Variants in SLC10A6 observed in about 807,000 individuals in gnomAD.
SLC10A6 encodes the protein solute carrier family 10 member 6.
A neutral mutation model predicts 30.0 loss-of-function variants in SLC10A6; 27 were observed. The observed-to-expected ratio is 0.90, with a 90% confidence interval of 0.66 to 1.24. The LOEUF (loss-of-function observed/expected upper bound fraction) is 1.24, where lower values mean the gene tolerates loss of function less well. Among genes scored for constraint, SLC10A6 ranks in the 50% most tolerant of loss-of-function variants. The pLI is 0.00. For synonymous variants in SLC10A6, 166 were observed against 173.8 expected (o/e 0.95, Z 0.36); for missense variants, 439 against 457.0 (o/e 0.96, Z 0.36).
At chr4:86,829,405 C>T (rs182152165) in intron 3 of SLC10A6, among the ~76,000 whole-genome samples, 20 of 151,810 alleles carry the variant, frequency 1.3e-4, no homozygotes, top group Admixed American at 3.3e-4. Flanking sequence ...AGCAAGACTC[C>T]GTTTAAAAAA....
At chr4:86,839,833 C>T (rs1425181010) in intron 1 of SLC10A6, among the ~76,000 whole-genome samples, 5 of 152,148 alleles carry the variant, frequency 3.3e-5, no homozygotes, top group Admixed American at 2.0e-4. Flanking sequence ...TTGCCTACTC[C>T]GGATGTGATC....
chr4:86,827,347 A>G (rs913457104), intron 4 of SLC10A6, among the ~76,000 whole-genome samples: 1 of 152,188 alleles, frequency 6.6e-6, no homozygotes, highest in African/African-American at 2.4e-5. Context: ...TCATCAGTAG[A>G]ATGAGGGTAG....
intron 1 of SLC10A6, among the ~76,000 whole-genome samples, chr4:86,840,222 A>G (rs1746268811): frequency 6.6e-6 from 1 of 151,822 alleles, no homozygotes; most frequent in African/African-American, 2.4e-5. Context: ...CCCAGCCGAC[A>G]CTCTGGATTC....
At chr4:86,844,267 A>T (rs1486138571) in intron 1 of SLC10A6, among the ~76,000 whole-genome samples, 1 of 152,224 alleles carries the variant, frequency 6.6e-6, no homozygotes, top group Non-Finnish European at 1.5e-5. Flanking sequence ...TCCAGTCAGT[A>T]AGTGATGGGT....
At chr4:86,839,115 AT>A (rs1421363259) in intron 1 of SLC10A6, among the ~76,000 whole-genome samples, 1 of 151,394 alleles carries the variant, frequency 6.6e-6, no homozygotes, top group African/African-American at 2.4e-5. Context: ...AATCAATAGG[AT>A]TTTTTTCTTT....
intron 1 of SLC10A6, chr4:86,837,659 C>A (rs956740475): frequency 5.1e-6 from 5 of 983,410 alleles, no homozygotes; most frequent in Admixed American, 1.2e-4. Context: ...TATTTTGTAC[C>A]TACCTGAGTG....
chr4:86,837,216 A>G (rs1746200445), intron 1 of SLC10A6, among the ~76,000 whole-genome samples: 3 of 117,462 alleles, frequency 2.6e-5, no homozygotes, highest in African/African-American at 1.3e-4. Context: ...AGAGAGAGAG[A>G]GAGAGAGAGA....
chr4:86,842,818 CTT>C (rs1250203483), intron 1 of SLC10A6, among the ~76,000 whole-genome samples: 1 of 25,026 alleles, frequency 4.0e-5, no homozygotes, highest in Admixed American at 4.5e-4. Flanking sequence ...TTCTTTCTTT[CTT>C]TCTTTCTTTC....
At chr4:86,842,874 CT>C (rs1170640534) in intron 1 of SLC10A6, among the ~76,000 whole-genome samples, 25 of 42,786 alleles carry the variant, frequency 5.8e-4, no homozygotes, top group East Asian at 1.8e-3. Flanking sequence ...TTCTTTCTTT[CT>C]TTTTTTTTTT....
chr4:86,843,163 G>A (rs1746335420), intron 1 of SLC10A6, among the ~76,000 whole-genome samples: 2 of 151,894 alleles, frequency 1.3e-5, no homozygotes, highest in African/African-American at 2.4e-5. Flanking sequence ...GAGCCACCAC[G>A]CCTGGCCTGG....
chr4:86,845,744 G>A (rs1746381762), intron 1 of SLC10A6, among the ~76,000 whole-genome samples: 1 of 152,192 alleles, frequency 6.6e-6, no homozygotes, highest in South Asian at 2.1e-4. Flanking sequence ...CACAGCAAGA[G>A]GAAGGGCTAC....
At chr4:86,847,654 G>T (rs985780248) in intron 1 of SLC10A6, among the ~76,000 whole-genome samples, 2 of 151,998 alleles carry the variant, frequency 1.3e-5, no homozygotes, top group Non-Finnish European at 2.9e-5. Context: ...AAATTTATAG[G>T]TGAAATATGT....
At chr4:86,823,965 T>C in intron 5 of SLC10A6, 63 bp from the exon 6 acceptor site, 14 of 1,431,096 alleles carry the variant, frequency 9.8e-6, no homozygotes, top group Non-Finnish European at 1.3e-5. Flanking sequence ...TTGGTGACAC[T>C]GTACACTTGT....
chr4:86,823,890 T>A lies in SLC10A6; in HGVS notation c.932A>T (p.Tyr311Phe). ...GFLIVAAYQT[Y>F]KRRLKNKHGK... ...ATGTTTGTTCTTCAATCTCCTCTTG[T>A]ACGTCTGATATGCTAGGTGTTAAAA... Residue 311 changes from tyrosine to phenylalanine, a missense_variant, in exon 6 of 6, where the codon TAC becomes TTC. Physicochemically the swap from Tyr to Phe is conservative, Grantham distance 22. Transcript: ENST00000273905. 6.2e-7 allele frequency: 1 copy of A among 1,610,002 alleles called. No homozygotes were observed. Among genetic ancestry groups the A allele is most frequent in the Non-Finnish European group, 8.5e-7 (1 of 1,177,972 alleles).
Position 86,849,182 on chromosome 4 carries a change from G to A in SLC10A6, c.-67C>T. On this transcript the variant is annotated 5_prime_UTR_variant, in exon 1 of 6. The change creates a premature stop within an existing upstream ORF in the 5' untranslated region. Coordinates refer to ENST00000273905, the MANE Select transcript of SLC10A6 (RefSeq NM_197965.3). ...AACAATGGCTGGGCAGGTCTATCCT[G>A]CCACATTTTGTAATAGTGCAACGAA... 6.6e-7 allele frequency: 1 copy of A among 1,524,398 alleles called. No homozygotes were observed. The highest frequency in any genetic ancestry group is 1.3e-5 in the South Asian group (1 of 76,832). The allele number at this position is 1,524,398 out of a possible 1,614,324, so 94.4% of individuals were successfully genotyped here.
intron 4 of SLC10A6, 91 bp from the exon 5 acceptor site, chr4:86,825,668 T>A: frequency 7.6e-7 from 1 of 1,312,698 alleles, no homozygotes; most frequent in Non-Finnish European, 1.0e-6. Context: ...TTAGAAGCTA[T>A]GACCTCAGGC....
chr4:86,836,901 A>G (rs6820439), intron 1 of SLC10A6, among the ~76,000 whole-genome samples: 59,073 of 151,480 alleles, frequency 0.39, 15,200 homozygotes, highest in African/African-American at 0.74. Context: ...GGGATTACAG[A>G]TGCCCACCAC....
chr4:86,840,430 T>G (rs974513546), intron 1 of SLC10A6, among the ~76,000 whole-genome samples: 2 of 152,172 alleles, frequency 1.3e-5, no homozygotes, highest in African/African-American at 4.8e-5. Context: ...TAATTAACAT[T>G]TATATAGTCA....
intron 3 of SLC10A6, among the ~76,000 whole-genome samples, chr4:86,829,148 T>TG (rs1746041113): frequency 6.6e-6 from 1 of 152,160 alleles, no homozygotes; most frequent in Non-Finnish European, 1.5e-5. Flanking sequence ...TGGTGGCTCA[T>TG]GTCTGTAATC....
Sources: gnomAD v4.1 joint callset for allele counts (sites outside exome capture counted in the v4.1 genomes callset) on GRCh38, gnomAD v4.1.1 for gene constraint, MANE v1.5 for transcripts, NCBI Gene and HGNC (gene_info 2026-07-23, HGNC 2026-07-21) for gene names.